The following HMCN1 variants were observed in gnomAD, a reference collection of about 807,000 sequenced individuals.
HMCN1 encodes hemicentin 1, also known as hemicentin-1.
In HMCN1, 321 loss-of-function variants were observed where a neutral mutation model predicts 625.9. The ratio of observed to expected loss-of-function variants is 0.51; its 90% confidence interval spans 0.47 to 0.56. HMCN1 has a LOEUF of 0.56. Among genes scored for constraint, HMCN1 ranks in the 20% least tolerant of loss-of-function variants. The pLI is 0.00. For missense variants in HMCN1, 6,588 were observed against 6,887.3 expected, an observed-to-expected ratio of 0.96 and a Z score of 1.54; for synonymous variants, 2,425 against 2,417.6, an observed-to-expected ratio of 1.00 and a Z score of -0.09.
intron 30 of HMCN1, among the ~76,000 whole-genome samples, chr1:186,014,228 T>C (rs919571087): frequency 5.3e-5 from 8 of 151,930 alleles, no homozygotes; most frequent in African/African-American, 9.7e-5. Context: ...AGAAAAACAT[T>C]CTATCAAATA....
rs779660867 is a variant in HMCN1 at position 185,965,925 on chromosome 1, T to C, written c.2212+10T>C. 18 of 1,348,334 alleles carry C rather than the reference T, an allele frequency of 1.3e-5. No individual in the cohort carries two copies. Among genetic ancestry groups the C allele is most frequent in the Middle Eastern group, 1.8e-4 (1 of 5,578 alleles). 83.5% of individuals were successfully genotyped at this position (1,348,334 alleles called of 1,614,324 possible). A position where few individuals can be genotyped will look rare whatever the true frequency, so the allele number is the denominator to read the frequency against. On this transcript the variant is annotated intron_variant, in intron 14 of 106. Transcript: ENST00000271588. Reference sequence around the variant, plus strand: ...GTTAAATGGTTCAAAGGTACATTTCTTCAATATGTTTGTGTCTGGTTCACT... The same window carrying C: ...GTTAAATGGTTCAAAGGTACATTTCCTCAATATGTTTGTGTCTGGTTCACT...
intron 97 of HMCN1, among the ~76,000 whole-genome samples, chr1:186,156,911 G>A (rs1326499578): frequency 6.6e-6 from 1 of 151,974 alleles, no homozygotes; most frequent in Non-Finnish European, 1.5e-5. Context: ...GTAACAAAGG[G>A]GAATGTTCAT....
intron 1 of HMCN1, among the ~76,000 whole-genome samples, chr1:185,754,070 G>T (rs765708659): frequency 6.6e-6 from 1 of 152,182 alleles, no homozygotes; most frequent in African/African-American, 2.4e-5. Flanking sequence ...TGTGCGCTAT[G>T]AAATACTATT....
rs544012411 is a variant in HMCN1, at chr1:186,093,641, C to T, written c.10168C>T (p.Arg3390Trp). 5.4e-5 allele frequency: 87 copies of T among 1,613,202 alleles called. No individual in the cohort carries two copies. Among genetic ancestry groups the T allele is most frequent in the East Asian group, 1.6e-4 (7 of 44,862 alleles). The part of the protein sequence containing the change: ...GLPLPLSSHI[R>W]LLAAGQVIRI... Reference sequence around the variant, plus strand: ...TCCTCTGCCTCTCTCCTCCCATATCCGGTTACTGGCAGCAGGACAAGTTAT... The same window carrying T: ...TCCTCTGCCTCTCTCCTCCCATATCTGGTTACTGGCAGCAGGACAAGTTAT... Residue 3390 changes from arginine to tryptophan, a missense_variant, in exon 66 of 107, where the codon CGG (arginine) becomes TGG (tryptophan). By Grantham distance (101) the Arg-to-Trp change is moderately radical. Around this residue, in one of 3 missense-constraint regions of HMCN1, gnomAD observed 4,628 missense variants for 4,853.1 expected, o/e 0.95. Transcript: ENST00000271588.
At chr1:186,041,658 C>T in intron 40 of HMCN1, among the ~76,000 whole-genome samples, 1 of 152,120 alleles carries the variant, frequency 6.6e-6, no homozygotes, top group East Asian at 1.9e-4. Context: ...AAAGGGAATG[C>T]CCGATCCCAT....
chr1:186,151,487 G>A lies in HMCN1; in HGVS notation c.14759-119G>A, dbSNP rs1185314983. Reference sequence around the variant, plus strand: ...TTAAACAAACATACATGAGGTACTGGTATTTGTTTCTGGTATTCAACATTA... The same window carrying A: ...TTAAACAAACATACATGAGGTACTGATATTTGTTTCTGGTATTCAACATTA... On this transcript the variant is annotated intron_variant, in intron 94 of 106. Transcript: ENST00000271588. 9 of 1,274,404 alleles carry A rather than the reference G, an allele frequency of 7.1e-6. No homozygotes were observed. The African/African-American group carries it at 7.5e-5, about 11-fold the overall frequency. 78.9% of individuals were successfully genotyped at this position (1,274,404 alleles called of 1,614,324 possible).
At chr1:186,039,432 A>ACACACACG (rs1656062896) in intron 38 of HMCN1, among the ~76,000 whole-genome samples, 1 of 152,096 alleles carries the variant, frequency 6.6e-6, no homozygotes, top group African/African-American at 2.4e-5. Flanking sequence ...ACACACACAC[A>ACACACACG]CGCCTAGAAA....
chr1:186,049,229 C>T (rs763836618), intron 42 of HMCN1, among the ~76,000 whole-genome samples: 4 of 151,938 alleles, frequency 2.6e-5, no homozygotes, highest in African/African-American at 7.2e-5. Context: ...AGAACATGGG[C>T]GCTTGCGTGG....
intron 1 of HMCN1, among the ~76,000 whole-genome samples, chr1:185,794,857 A>T (rs1046818889): frequency 6.6e-6 from 1 of 152,202 alleles, no homozygotes; most frequent in African/African-American, 2.4e-5. Context: ...CCAAAATATG[A>T]CTTTTGTAAA....
chr1:186,171,934 A>G, intron 101 of HMCN1, 72 bp from the exon 102 acceptor site: 1 of 1,474,652 alleles, frequency 6.8e-7, no homozygotes, highest in East Asian at 2.3e-5. Context: ...CTAAAATCCA[A>G]AAGTATGATT....
chr1:185,823,750 T>C (rs1660341719), intron 1 of HMCN1, among the ~76,000 whole-genome samples: 1 of 152,174 alleles, frequency 6.6e-6, no homozygotes, highest in Non-Finnish European at 1.5e-5. Flanking sequence ...TTATTTCTTT[T>C]TATTTATAAC....
intron 4 of HMCN1, among the ~76,000 whole-genome samples, chr1:185,881,469 C>G (rs1388638311): frequency 6.6e-6 from 1 of 152,180 alleles, no homozygotes; most frequent in Non-Finnish European, 1.5e-5. Flanking sequence ...GCTTCTTCTT[C>G]TCTCTGCCAG....
intron 52 of HMCN1, 109 bp from the exon 53 acceptor site, chr1:186,074,632 A>T: frequency 2.2e-6 from 2 of 924,352 alleles, no homozygotes; most frequent in Non-Finnish European, 3.4e-6. Context: ...TGTTTTGCAT[A>T]CAATTTTATT....
At chr1:185,787,230 AT>A (rs1421500930) in intron 1 of HMCN1, among the ~76,000 whole-genome samples, 1 of 151,940 alleles carries the variant, frequency 6.6e-6, no homozygotes, top group African/African-American at 2.4e-5. Context: ...GACAGAAAAT[AT>A]TTACCTTCTG....
chr1:185,913,510 C>T (rs1224250648), intron 6 of HMCN1, among the ~76,000 whole-genome samples: 1 of 152,106 alleles, frequency 6.6e-6, no homozygotes, highest in East Asian at 1.9e-4. Context: ...ATGACTTAGC[C>T]AGCGGTGTCT....
intron 5 of HMCN1, among the ~76,000 whole-genome samples, chr1:185,911,357 A>T (rs922293422): frequency 6.6e-6 from 1 of 152,184 alleles, no homozygotes. Flanking sequence ...ACAAATAGTA[A>T]TCCATTATTT....
chr1:185,964,468 C>A (rs1258063831), intron 13 of HMCN1, among the ~76,000 whole-genome samples: 1 of 152,112 alleles, frequency 6.6e-6, no homozygotes, highest in African/African-American at 2.4e-5. Flanking sequence ...CCCTTTCATT[C>A]ATTCTTATTC....
chr1:185,801,643 G>A (rs1658801849), intron 1 of HMCN1, among the ~76,000 whole-genome samples: 2 of 152,158 alleles, frequency 1.3e-5, no homozygotes, highest in South Asian at 4.1e-4. Context: ...ATTTCCTAAG[G>A]GGAGTGAAGA....
At chr1:186,050,634 A>T (rs1223120363) in intron 42 of HMCN1, among the ~76,000 whole-genome samples, 1 of 152,064 alleles carries the variant, frequency 6.6e-6, no homozygotes, top group African/African-American at 2.4e-5. Flanking sequence ...GTCATAAACT[A>T]AAAAACATAC....
Sources: gnomAD v4.1 joint callset for allele counts (sites outside exome capture counted in the v4.1 genomes callset) on GRCh38, gnomAD v4.1.1 for gene constraint, gnomAD v4.1.1 regional missense constraint, MANE v1.5 for transcripts, NCBI Gene and HGNC (gene_info 2026-07-23, HGNC 2026-07-21) for gene names.